LIN54: variants seen among roughly 807,000 people sequenced by gnomAD.
The protein encoded by LIN54 is lin-54 DREAM MuvB core complex component.
In LIN54, 9 loss-of-function variants were observed where a neutral mutation model predicts 78.7. The ratio of observed to expected loss-of-function variants is 0.11; its 90% CI spans 0.07 to 0.20. The LOEUF (loss-of-function observed/expected upper bound fraction) is 0.20. LIN54 is among the 10% of genes least tolerant of loss of function. LIN54 has a pLI of 1.00. For synonymous variants in LIN54, 269 were observed against 318.4 expected, an observed-to-expected ratio of 0.84 and a Z score of 1.65; for missense variants, 573 against 889.9, an observed-to-expected ratio of 0.64 and a Z score of 4.53.
chr4:82,982,205 A>G (rs1454691581), intron 2 of LIN54, among the ~76,000 whole-genome samples: 1 of 152,082 alleles, frequency 6.6e-6, no homozygotes, highest in Non-Finnish European at 1.5e-5. Flanking sequence ...ATGACATTCT[A>G]ATTTATGATA....
intron 4 of LIN54, among the ~76,000 whole-genome samples, chr4:82,950,898 GAAT>G (rs1487655832): frequency 6.6e-6 from 1 of 152,054 alleles, no homozygotes; most frequent in Non-Finnish European, 1.5e-5. Flanking sequence ...CCTCACAAAT[GAAT>G]ATTCTCTTTT....
chr4:82,967,453 C>T (rs1474981673), intron 4 of LIN54, among the ~76,000 whole-genome samples: 1 of 152,152 alleles, frequency 6.6e-6, no homozygotes, highest in Non-Finnish European at 1.5e-5. Context: ...TAGAGGACAG[C>T]AGTTAGGCAA....
chr4:82,974,520 T>C (rs932931953), intron 3 of LIN54, among the ~76,000 whole-genome samples: 3 of 152,180 alleles, frequency 2.0e-5, no homozygotes, highest in East Asian at 3.9e-4. Context: ...GCAGATCACC[T>C]GAGGTCAGGA....
At chr4:83,002,866 T>G (rs565247421) in intron 1 of LIN54, among the ~76,000 whole-genome samples, 2 of 152,352 alleles carry the variant, frequency 1.3e-5, no homozygotes, top group East Asian at 3.9e-4. Flanking sequence ...AGTTAAGTTT[T>G]TGGGGATTCA....
At chr4:82,996,546 C>T (rs774516733) in intron 1 of LIN54, among the ~76,000 whole-genome samples, 2 of 151,934 alleles carry the variant, frequency 1.3e-5, no homozygotes, top group African/African-American at 2.4e-5. Context: ...TCTGGGACTA[C>T]GAGCATGTGC....
intron 9 of LIN54, 103 bp downstream of exon 9, chr4:82,937,124 G>T: frequency 1.3e-6 from 1 of 757,202 alleles, no homozygotes; most frequent in South Asian, 1.4e-5. Flanking sequence ...AAATTACTTA[G>T]ACTTATGAGC....
intron 4 of LIN54, among the ~76,000 whole-genome samples, chr4:82,953,726 G>C (rs538417952): frequency 1.3e-5 from 2 of 152,222 alleles, no homozygotes; most frequent in South Asian, 4.1e-4. Context: ...GAGGTGAGCA[G>C]ATCACTTGAG....
intron 5 of LIN54, among the ~76,000 whole-genome samples, chr4:82,943,796 AAGAG>A (rs1047965230): frequency 6.6e-6 from 1 of 151,714 alleles, no homozygotes; most frequent in African/African-American, 2.4e-5. Flanking sequence ...CAAGGAGAAA[AAGAG>A]AAGTAGAGAC....
At chr4:82,932,092 ATTT>A (rs70943171) in intron 11 of LIN54, among the ~76,000 whole-genome samples, 1 of 124,844 alleles carries the variant, frequency 8.0e-6, no homozygotes, top group Non-Finnish European at 1.7e-5. Context: ...GTGTATTTTA[ATTT>A]TTTTTTTTTT....
chr4:82,930,170 A>G (rs1721835927), intron 12 of LIN54, among the ~76,000 whole-genome samples: 1 of 152,184 alleles, frequency 6.6e-6, no homozygotes, highest in Non-Finnish European at 1.5e-5. Context: ...AAGTGCTGGG[A>G]TTATAGGCGT....
At chr4:83,012,447 G>C (rs1409844979), upstream of LIN54, among the ~76,000 whole-genome samples, 2 of 152,170 alleles carry the variant, frequency 1.3e-5, no homozygotes, top group African/African-American at 2.4e-5. Flanking sequence ...CGGGTGGCTT[G>C]TTGGGTCGCG....
intron 5 of LIN54, among the ~76,000 whole-genome samples, chr4:82,943,863 T>A (rs1474320945): frequency 1.7e-3 from 72 of 43,058 alleles, no homozygotes; most frequent in African/African-American, 3.3e-3. Context: ...CAATACTGAT[T>A]TTTTTTTTTT....
chr4:82,988,347 T>C (rs1188203634), intron 1 of LIN54, among the ~76,000 whole-genome samples: 1 of 152,242 alleles, frequency 6.6e-6, no homozygotes, highest in Admixed American at 6.5e-5. Context: ...GTTTTACTTA[T>C]TAGTAGTTCT....
At chr4:82,942,986 GGAAT>G (rs1161876017) in intron 5 of LIN54, among the ~76,000 whole-genome samples, 1 of 151,226 alleles carries the variant, frequency 6.6e-6, no homozygotes, top group East Asian at 2.0e-4. Flanking sequence ...TGAAGCCTGG[GGAAT>G]GAAGAAAATA....
At chr4:82,930,914 A>G (rs879769121) in intron 12 of LIN54, 29 bp downstream of exon 12, 19 of 1,600,878 alleles carry the variant, frequency 1.2e-5, no homozygotes, top group Non-Finnish European at 1.5e-5. Context: ...TTTGGGAAGT[A>G]CTATAAAAAG....
At chr4:83,010,914 A>T, upstream of LIN54, 1 of 952,716 alleles carries the variant, frequency 1.0e-6, no homozygotes, top group Non-Finnish European at 1.3e-6. Flanking sequence ...CCGCCCCGCC[A>T]ACCTTCAAAC....
intron 4 of LIN54, among the ~76,000 whole-genome samples, chr4:82,953,390 T>C (rs1471180275): frequency 2.0e-5 from 3 of 152,182 alleles, no homozygotes; most frequent in Non-Finnish European, 4.4e-5. Context: ...ACAATATGAA[T>C]GTACTTAATA....
chr4:82,988,920 G>A (rs2126092458), intron 1 of LIN54, among the ~76,000 whole-genome samples: 1 of 152,146 alleles, frequency 6.6e-6, no homozygotes, highest in African/African-American at 2.4e-5. Context: ...CGGGCGCGGT[G>A]TCTTATGCCT....
chr4:82,964,888 C>T lies in LIN54; in HGVS notation c.951+5439G>A, dbSNP rs190975830. Among the ~76,000 whole-genome samples the T allele has an allele frequency of 9.2e-4, 140 of 152,112 alleles. 3 individuals are homozygous for T. The East Asian group carries it at 0.024, about 26-fold the overall frequency. ...TTAGCCGGGCATGGTGGCATAGCTA[C>T]TGGGGAAGCTGAGGCAGGAGAATCA... On this transcript the variant is annotated intron_variant, in intron 4 of 12. Coordinates refer to ENST00000340417, the MANE Select transcript of LIN54 (RefSeq NM_194282.4).
Sources: gnomAD v4.1 joint callset for allele counts (sites outside exome capture counted in the v4.1 genomes callset) on GRCh38, gnomAD v4.1.1 for gene constraint, MANE v1.5 for transcripts, NCBI Gene and HGNC (gene_info 2026-07-23, HGNC 2026-07-21) for gene names.